CYP46A1: variants seen among roughly 807,000 people sequenced by gnomAD.
The protein encoded by CYP46A1 is cytochrome P450 family 46 subfamily A member 1.
In CYP46A1, 20 loss-of-function variants were observed where a neutral mutation model predicts 63.3. The observed-to-expected ratio is 0.32, with a 90% CI of 0.22 to 0.46. The LOEUF (loss-of-function observed/expected upper bound fraction) is 0.46, where lower values mean the gene tolerates loss of function less well. CYP46A1 is among the 20% of genes least tolerant of loss of function. The pLI is 1.00. For missense variants in CYP46A1, 445 were observed against 670.8 expected (o/e 0.66, Z 3.72); for synonymous variants, 268 against 273.6 (o/e 0.98, Z 0.20).
intron 5 of CYP46A1, among the ~76,000 whole-genome samples, chr14:99,701,711 G>A (rs1040704523): frequency 1.3e-5 from 2 of 152,120 alleles, no homozygotes; most frequent in Non-Finnish European, 2.9e-5. Context: ...CAATGGCGTT[G>A]GTATATTCAT....
At position 99,713,638 on chromosome 14, in the gene CYP46A1, G is replaced by A. The variant is rs2056756309; in HGVS notation, c.694-2172G>A. Among the ~76,000 whole-genome samples, 3 of 151,956 alleles carry A rather than the reference G, an allele frequency of 2.0e-5. No individual in the cohort carries two copies. In the South Asian group the frequency reaches 6.2e-4, roughly 31 times the overall value. On this transcript the variant is annotated intron_variant, in intron 7 of 14. Transcript: ENST00000261835. Reference sequence around the variant, plus strand: ...TCATGCCCGTAATCCCAGCACTTTGGGAGGCCAAGGCAGGCAGATCACTTG... The same window carrying A: ...TCATGCCCGTAATCCCAGCACTTTGAGAGGCCAAGGCAGGCAGATCACTTG...
chr14:99,691,974 G>T (rs2056547659), intron 3 of CYP46A1, 113 bp downstream of exon 3: 4 of 1,093,880 alleles, frequency 3.7e-6, no homozygotes, highest in Non-Finnish European at 5.5e-6. Flanking sequence ...GCGCATTTCG[G>T]CTGGTTTCCC....
At chr14:99,686,867 G>A (rs1248251560) in intron 1 of CYP46A1, among the ~76,000 whole-genome samples, 2 of 152,204 alleles carry the variant, frequency 1.3e-5, no homozygotes, top group Non-Finnish European at 2.9e-5. Flanking sequence ...AAATTGGTTA[G>A]TGGTCAAATA....
chr14:99,685,414 C>G (rs1322090388), intron 1 of CYP46A1, among the ~76,000 whole-genome samples: 3 of 148,778 alleles, frequency 2.0e-5, no homozygotes, highest in African/African-American at 5.0e-5. Context: ...TGCCCAGCAC[C>G]TTGTGTAAAG....
intron 7 of CYP46A1, chr14:99,709,352 GT>G (rs1200735612): frequency 1.3e-5 from 2 of 152,074 alleles, no homozygotes; most frequent in African/African-American, 4.8e-5. Flanking sequence ...ACAGATAGAT[GT>G]AAAAGAGAAA....
chr14:99,700,494 A>G (rs1342946173), intron 5 of CYP46A1, among the ~76,000 whole-genome samples: 7 of 152,192 alleles, frequency 4.6e-5, no homozygotes, highest in African/African-American at 7.2e-5. Flanking sequence ...GTTTCGGTCA[A>G]CGATGGAATG....
Position 99,727,253 on chromosome 14 carries a change from C to T in CYP46A1, c.*526C>T, listed in dbSNP as rs2056913631. The stretch of plus-strand genomic sequence containing the variant: ...TTTGTCTCTGAGCCCCCTGTGCCCA[C>T]CCAGGGCCCGGCACAGAGTCGATGC... On this transcript the variant is annotated 3_prime_UTR_variant, in exon 15 of 15. Transcript: ENST00000261835. The T allele has an allele frequency of 6.5e-6, 1 of 154,022 alleles. No homozygotes were observed. The highest frequency in any genetic ancestry group is 6.5e-5 in the Admixed American group (1 of 15,314). The allele number at this position is 154,022 out of a possible 1,614,324, so 9.5% of individuals were successfully genotyped here. A position where few individuals can be genotyped will look rare whatever the true frequency, so the allele number is the denominator to read the frequency against.
intron 3 of CYP46A1, among the ~76,000 whole-genome samples, chr14:99,696,132 T>C (rs538201313): frequency 1.2e-4 from 19 of 152,372 alleles, no homozygotes; most frequent in Middle Eastern, 3.4e-3. Context: ...ATTATTGATA[T>C]GGCTGTGTTT....
At chr14:99,705,370 G>C (rs1173332628) in intron 5 of CYP46A1, among the ~76,000 whole-genome samples, 1 of 151,536 alleles carries the variant, frequency 6.6e-6, no homozygotes, top group East Asian at 1.9e-4. Context: ...ACCATGCCCA[G>C]CTAGTTTTTA....
chr14:99,702,012 G>A (rs1447604704), intron 5 of CYP46A1, among the ~76,000 whole-genome samples: 5 of 146,608 alleles, frequency 3.4e-5, no homozygotes, highest in Non-Finnish European at 7.5e-5. Context: ...GGAGGTTGAA[G>A]TGAGCTGAGA....
chr14:99,723,170 C>A (rs530867056), intron 12 of CYP46A1: 2 of 210,568 alleles, frequency 9.5e-6, no homozygotes, highest in East Asian at 2.1e-4. Context: ...AACTAGTAAG[C>A]GTGAGCATCT....
At chr14:99,705,786 A>G (rs1347607661) in intron 5 of CYP46A1, among the ~76,000 whole-genome samples, 1 of 152,216 alleles carries the variant, frequency 6.6e-6, no homozygotes, top group African/African-American at 2.4e-5. Flanking sequence ...TTAGCCAGCC[A>G]TGCTGGCACA....
At chr14:99,687,300 T>G (rs546564559) in intron 1 of CYP46A1, among the ~76,000 whole-genome samples, 2 of 152,368 alleles carry the variant, frequency 1.3e-5, no homozygotes, top group African/African-American at 4.8e-5. Flanking sequence ...GGAGTGGATG[T>G]AAACTTGACA....
intron 3 of CYP46A1, among the ~76,000 whole-genome samples, chr14:99,697,199 A>C (rs1011972972): frequency 2.6e-5 from 4 of 152,236 alleles, no homozygotes; most frequent in Non-Finnish European, 5.9e-5. Flanking sequence ...CGAAGACCTA[A>C]GGGACCCCAT....
rs372018884 is a variant in CYP46A1, at chr14:99,700,462, T to C, written c.443+361T>C. ...TTTGAGTTTTTATGTTTTGGTGATATAGTTGTGCTTTGTATAACGATGTTT... is the reference window on the plus strand; with the variant it reads ...TTTGAGTTTTTATGTTTTGGTGATACAGTTGTGCTTTGTATAACGATGTTT... On this transcript the variant is annotated intron_variant, in intron 5 of 14. Coordinates refer to ENST00000261835, the MANE Select transcript of CYP46A1 (RefSeq NM_006668.2). 1.2e-3 allele frequency among the ~76,000 whole-genome samples: 187 copies of C among 152,344 alleles called. 2 individuals carry two copies. The South Asian group carries it at 0.035, about 28-fold the overall frequency.
intron 3 of CYP46A1, chr14:99,693,277 G>A (rs1450254205): frequency 6.6e-6 from 1 of 152,482 alleles, no homozygotes; most frequent in African/African-American, 2.4e-5. Flanking sequence ...TGAATAACCA[G>A]GAATCTCTAG....
intron 4 of CYP46A1, among the ~76,000 whole-genome samples, 161 bp downstream of exon 4, chr14:99,699,700 C>T (rs936094537): frequency 9.9e-5 from 15 of 152,134 alleles, no homozygotes; most frequent in African/African-American, 2.4e-4. Context: ...ACTCTTGTCA[C>T]GAGCAGTTTC....
intron 7 of CYP46A1, among the ~76,000 whole-genome samples, chr14:99,715,184 A>G (rs369158059): frequency 1.3e-4 from 20 of 152,352 alleles, no homozygotes; most frequent in African/African-American, 4.8e-4. Flanking sequence ...TGAGGTGATG[A>G]ATATCCTAAA....
intron 10 of CYP46A1, among the ~76,000 whole-genome samples, chr14:99,721,011 G>C (rs535372608): frequency 3.3e-5 from 5 of 152,114 alleles, no homozygotes; most frequent in African/African-American, 1.2e-4. Flanking sequence ...CTTGAATCCT[G>C]GGGGGAGGGC....
Sources: allele counts gnomAD v4.1 joint callset (sites outside exome capture counted in the v4.1 genomes callset), GRCh38; gene constraint gnomAD v4.1.1; transcripts MANE v1.5; gene names NCBI Gene and HGNC (gene_info 2026-07-23, HGNC 2026-07-21).